The following LYPLAL1 variants were observed in gnomAD, a reference collection of about 807,000 sequenced individuals.
The protein encoded by LYPLAL1 is lysophospholipase-like protein 1.
In LYPLAL1, 23 loss-of-function variants were observed where a neutral mutation model predicts 19.7. The ratio of observed to expected loss-of-function variants is 1.17; its 90% CI spans 0.84 to 1.65. LYPLAL1 has a LOEUF of 1.65. Among genes scored for constraint, LYPLAL1 ranks in the 40% most tolerant of loss-of-function variants. The pLI, the probability that LYPLAL1 is intolerant of heterozygous loss-of-function variation, is 0.00. For missense variants in LYPLAL1, 355 were observed against 279.4 expected, an observed-to-expected ratio of 1.27 and a Z score of -1.93; for synonymous variants, 119 against 96.3, an observed-to-expected ratio of 1.24 and a Z score of -1.38.
chr1:219,322,416 G>A, the LYPLAL1 span, among the ~76,000 whole-genome samples: 1 of 152,052 alleles, frequency 6.6e-6, no homozygotes, highest in Non-Finnish European at 1.5e-5. Flanking sequence ...AAGACAATGA[G>A]GCGAACAATT....
chr1:219,227,035 T>C, the LYPLAL1 span, among the ~76,000 whole-genome samples: 2 of 152,210 alleles, frequency 1.3e-5, no homozygotes, highest in African/African-American at 4.8e-5. Context: ...GAATGAGTGA[T>C]ATGTGGAAAA....
chr1:219,269,952 T>C, the LYPLAL1 span, among the ~76,000 whole-genome samples: 1 of 152,148 alleles, frequency 6.6e-6, no homozygotes, highest in East Asian at 1.9e-4. Context: ...ATGAACGAAC[T>C]TTAAAAAAAA....
the LYPLAL1 span, among the ~76,000 whole-genome samples, chr1:219,238,122 CTT>C: frequency 2.4e-4 from 25 of 103,872 alleles, no homozygotes; most frequent in African/African-American, 7.8e-4. Context: ...TGGATCTAAA[CTT>C]TTTTTTTTTT....
the LYPLAL1 span, among the ~76,000 whole-genome samples, chr1:219,286,240 GGGCC>G: frequency 6.6e-6 from 1 of 152,134 alleles, no homozygotes; most frequent in Non-Finnish European, 1.5e-5. Flanking sequence ...GGGGTTCCTA[GGGCC>G]ATGAGATCAT....
chr1:219,355,190 G>A, the LYPLAL1 span, among the ~76,000 whole-genome samples: 6 of 152,178 alleles, frequency 3.9e-5, no homozygotes, highest in Non-Finnish European at 8.8e-5. Flanking sequence ...TTGAAATATG[G>A]CCTGCGTAAC....
intron 3 of LYPLAL1, among the ~76,000 whole-genome samples, chr1:219,206,878 CCTA>C (rs1239624561): frequency 2.6e-5 from 4 of 151,590 alleles, no homozygotes; most frequent in Non-Finnish European, 5.9e-5. Flanking sequence ...TAAGTTTTTG[CCTA>C]CTAATCTTTT....
chr1:219,370,611 G>A, the LYPLAL1 span, among the ~76,000 whole-genome samples: 1 of 152,314 alleles, frequency 6.6e-6, no homozygotes, highest in Admixed American at 6.5e-5. Flanking sequence ...ATAGAAGGCT[G>A]GGGATAAGAT....
the LYPLAL1 span, among the ~76,000 whole-genome samples, chr1:219,364,543 T>A: frequency 6.6e-6 from 1 of 152,136 alleles, no homozygotes; most frequent in African/African-American, 2.4e-5. Context: ...CTTCAGAGAC[T>A]TCATCACTAT....
At chr1:219,352,119 T>A in the LYPLAL1 span, among the ~76,000 whole-genome samples, 2 of 152,244 alleles carry the variant, frequency 1.3e-5, no homozygotes, top group Non-Finnish European at 2.9e-5. Context: ...GCTTAAGGTC[T>A]GCAGACAACC....
At chr1:219,208,025 A>G (rs1658710536) in intron 3 of LYPLAL1, among the ~76,000 whole-genome samples, 1 of 151,842 alleles carries the variant, frequency 6.6e-6, no homozygotes, top group Non-Finnish European at 1.5e-5. Flanking sequence ...TATTTTAGAG[A>G]TGTAGTTTTA....
At chr1:219,249,852 G>T in the LYPLAL1 span, among the ~76,000 whole-genome samples, 127 of 151,998 alleles carry the variant, frequency 8.4e-4, 2 homozygotes, top group Middle Eastern at 3.4e-3. Flanking sequence ...TAAAGTGTCT[G>T]CTCATATCTT....
chr1:219,258,916 G>T, the LYPLAL1 span, among the ~76,000 whole-genome samples: 1 of 151,756 alleles, frequency 6.6e-6, no homozygotes, highest in African/African-American at 2.4e-5. Context: ...TTTCTGATCT[G>T]CAAGAAAAAA....
At chr1:219,237,875 T>C in the LYPLAL1 span, among the ~76,000 whole-genome samples, 141 of 152,322 alleles carry the variant, frequency 9.3e-4, no homozygotes, top group African/African-American at 3.2e-3. Context: ...GTCTCACTGG[T>C]AACTTTATCC....
At chr1:219,242,169 G>A in the LYPLAL1 span, among the ~76,000 whole-genome samples, 1 of 152,158 alleles carries the variant, frequency 6.6e-6, no homozygotes, top group African/African-American at 2.4e-5. Context: ...GTCCTGAGAG[G>A]GATTTGGAGT....
the LYPLAL1 span, among the ~76,000 whole-genome samples, chr1:219,249,562 T>G: frequency 2.2e-4 from 33 of 152,140 alleles, no homozygotes; most frequent in African/African-American, 7.9e-4. Context: ...AAATGCTGGA[T>G]CATAGGTGAT....
At chr1:219,197,694 T>C (rs12119460) in intron 3 of LYPLAL1, among the ~76,000 whole-genome samples, 24 of 152,128 alleles carry the variant, frequency 1.6e-4, no homozygotes, top group Non-Finnish European at 2.6e-4. Flanking sequence ...ACAGACAGCC[T>C]ACAGAATGGG....
chr1:219,195,006 G>A (rs12093892), intron 3 of LYPLAL1, among the ~76,000 whole-genome samples: 11 of 151,874 alleles, frequency 7.2e-5, no homozygotes, highest in Admixed American at 3.9e-4. Flanking sequence ...ACTAGAACGT[G>A]ATGGCATAAT....
the LYPLAL1 span, among the ~76,000 whole-genome samples, chr1:219,383,757 A>C: frequency 6.6e-6 from 1 of 152,216 alleles, no homozygotes; most frequent in Non-Finnish European, 1.5e-5. Flanking sequence ...CCACTGACCA[A>C]ATCAGTGTGT....
chr1:219,204,539 T>C (rs568291842), intron 3 of LYPLAL1, among the ~76,000 whole-genome samples: 9 of 152,334 alleles, frequency 5.9e-5, no homozygotes, highest in African/African-American at 2.2e-4. Context: ...GTACATATGG[T>C]AGAGATAGCT....
Sources: gnomAD v4.1 joint callset for allele counts (sites outside exome capture counted in the v4.1 genomes callset) on GRCh38, gnomAD v4.1.1 for gene constraint, MANE v1.5 for transcripts, NCBI Gene and HGNC (gene_info 2026-07-23, HGNC 2026-07-21) for gene names.